The following KSR2 variants were observed in gnomAD, a reference collection of about 807,000 sequenced individuals.
The protein encoded by KSR2 is kinase suppressor of ras 2.
Under a neutral mutation model 107.8 loss-of-function variants are expected in KSR2, and 25 were observed. That is an observed-to-expected ratio of 0.23 (90% CI 0.17 to 0.32). The LOEUF is 0.32. Ranked by LOEUF, KSR2 falls within the 10% of genes least tolerant of loss-of-function variation. The probability of loss-of-function intolerance (pLI) is 1.00; values close to 1 mark genes in which losing one functional copy is unlikely to be tolerated. For synonymous variants in KSR2, 480 were observed against 507.0 expected (o/e 0.95, Z 0.71); for missense variants, 887 against 1,268.9 (o/e 0.70, Z 4.57).
chr12:117,594,860 G>A (rs1880540641), intron 5 of KSR2, among the ~76,000 whole-genome samples: 1 of 152,162 alleles, frequency 6.6e-6, no homozygotes, highest in African/African-American at 2.4e-5. Context: ...GGGAGGAGTG[G>A]TACTGGTATC....
chr12:117,466,329 C>G lies in KSR2; in HGVS notation c.*870G>C, dbSNP rs1476385366. On this transcript the variant is annotated 3_prime_UTR_variant, in exon 20 of 20. Transcript: ENST00000339824. ...TGCCCAGAGCCCTGATTCTCAGGGA[C>G]CAGACTTCAGGGGGTGCCCTGAATG... 1 of 152,112 alleles carries G rather than the reference C, an allele frequency of 6.6e-6. No homozygotes were observed. Among genetic ancestry groups the G allele is most frequent in the African/African-American group, 2.4e-5 (1 of 41,404 alleles). 9.4% of individuals were successfully genotyped at this position (152,112 alleles called of 1,614,324 possible).
At chr12:117,692,505 T>TATATAC (rs1565963762) in intron 4 of KSR2, among the ~76,000 whole-genome samples, 1 of 104,766 alleles carries the variant, frequency 9.5e-6, no homozygotes, top group Non-Finnish European at 2.0e-5. Flanking sequence ...TATATATATA[T>TATATAC]ACACACACAC....
At chr12:117,520,487 G>A (rs1056432795) in intron 14 of KSR2, among the ~76,000 whole-genome samples, 4 of 152,128 alleles carry the variant, frequency 2.6e-5, no homozygotes, top group Non-Finnish European at 5.9e-5. Context: ...CCCTAATATG[G>A]TGATCTTCAT....
chr12:117,512,732 C>CTT (rs1874110075), intron 14 of KSR2, among the ~76,000 whole-genome samples: 1 of 151,800 alleles, frequency 6.6e-6, no homozygotes, highest in Non-Finnish European at 1.5e-5. Flanking sequence ...TCTTAATAGA[C>CTT]TTAGAGGCAC....
At chr12:117,729,098 T>A (rs1185379068) in intron 4 of KSR2, among the ~76,000 whole-genome samples, 1 of 152,056 alleles carries the variant, frequency 6.6e-6, no homozygotes, top group African/African-American at 2.4e-5. Context: ...AAGGTGTTTT[T>A]CAAATGCCAT....
chr12:117,500,575 T>C (rs1846644), intron 14 of KSR2, among the ~76,000 whole-genome samples: 51,788 of 152,022 alleles, frequency 0.34, 9,572 homozygotes, highest in South Asian at 0.54. Flanking sequence ...CTAATTCTAT[T>C]TGATACTAGC....
chr12:117,602,022 G>A (rs12425491), intron 5 of KSR2, among the ~76,000 whole-genome samples: 2,285 of 152,210 alleles, frequency 0.015, 30 homozygotes, highest in Admixed American at 0.029. Flanking sequence ...AGCCATAGGC[G>A]GTATGCAAAT....
chr12:117,787,778 C>G (rs1244038256), intron 3 of KSR2, among the ~76,000 whole-genome samples: 2 of 152,154 alleles, frequency 1.3e-5, no homozygotes, highest in Non-Finnish European at 2.9e-5. Flanking sequence ...AGCAGACTAA[C>G]CAGAAAGACT....
At chr12:117,899,579 A>G (rs1403259550) in intron 1 of KSR2, among the ~76,000 whole-genome samples, 1 of 152,190 alleles carries the variant, frequency 6.6e-6, no homozygotes, top group East Asian at 1.9e-4. Context: ...CCAACAATGA[A>G]GTGTTTTCTT....
intron 1 of KSR2, among the ~76,000 whole-genome samples, chr12:117,903,551 G>C (rs1186876258): frequency 6.6e-6 from 1 of 152,182 alleles, no homozygotes; most frequent in Non-Finnish European, 1.5e-5. Flanking sequence ...TGGCAGTCCT[G>C]CCTGGGGGCA....
At chr12:117,967,970 A>T in intron 1 of KSR2, 106 bp downstream of exon 1, 1 of 1,069,634 alleles carries the variant, frequency 9.3e-7, no homozygotes, top group African/African-American at 1.6e-5. Flanking sequence ...CCAGCCCCCA[A>T]TAAACAGAAT....
chr12:117,790,229 C>T (rs1295292359), intron 3 of KSR2, among the ~76,000 whole-genome samples: 2 of 152,106 alleles, frequency 1.3e-5, no homozygotes, highest in African/African-American at 2.4e-5. Flanking sequence ...ATGACATGTG[C>T]CCAAGGTGGT....
In KSR2 at chr12:117,952,155, T is replaced by TCACACACACACA. The variant is rs112314585; in HGVS notation, c.180+15909_180+15920dup. 4.5e-3 allele frequency among the ~76,000 whole-genome samples: 670 copies of TCACACACACACA among 147,414 alleles called. 5 individuals carry two copies. Among genetic ancestry groups the TCACACACACACA allele is most frequent in the African/African-American group, 0.015 (610 of 40,076 alleles). ...TGAGAGTAGATCTTAAATGTTCTCA[T>TCACACACACACA]CACACACACACACACACACACACAC... On this transcript the variant is annotated intron_variant, in intron 1 of 19. Coordinates refer to ENST00000339824, the MANE Select transcript of KSR2 (RefSeq NM_173598.6).
At chr12:117,575,853 T>C (rs1879252008) in intron 7 of KSR2, among the ~76,000 whole-genome samples, 1 of 152,220 alleles carries the variant, frequency 6.6e-6, no homozygotes, top group Non-Finnish European at 1.5e-5. Flanking sequence ...ATTGACTCCT[T>C]CCAACAGCCC....
intron 1 of KSR2, among the ~76,000 whole-genome samples, chr12:117,905,604 C>T (rs960587096): frequency 1.3e-5 from 2 of 151,912 alleles, no homozygotes; most frequent in South Asian, 2.1e-4. Flanking sequence ...ATACAAGCTA[C>T]GAAAAAGGAT....
rs1210426510 is a variant in KSR2 at position 117,459,471 on chromosome 12, A to T, written c.*7728T>A. 6.6e-6 allele frequency: 1 copy of T among 152,198 alleles called. No individual in the cohort carries two copies. The highest frequency in any genetic ancestry group is 1.5e-5 in the Non-Finnish European group (1 of 68,052). The allele number at this position is 152,198 out of a possible 1,614,324, so 9.4% of individuals were successfully genotyped here. On this transcript the variant is annotated 3_prime_UTR_variant, in exon 20 of 20. Transcript: ENST00000339824. ...GAAGGCATGCTGTGATGGATTAGTG[A>T]TGTCTGCCAAGAGTACAGCAGGGGA...
At chr12:117,538,735 ATTTAAT>A (rs1255349094) in intron 10 of KSR2, among the ~76,000 whole-genome samples, 1 of 152,230 alleles carries the variant, frequency 6.6e-6, no homozygotes, top group East Asian at 1.9e-4. Flanking sequence ...TTTAAATTAT[ATTTAAT>A]TTTAATTTAT....
chr12:117,626,979 G>A (rs1036880074), intron 5 of KSR2, among the ~76,000 whole-genome samples: 2 of 150,602 alleles, frequency 1.3e-5, no homozygotes, highest in African/African-American at 4.9e-5. Context: ...TTTGATCTTT[G>A]TTGGTTTAAA....
chr12:117,911,787 TCGCAAAC>T (rs1328516804), intron 1 of KSR2, among the ~76,000 whole-genome samples: 6 of 77,020 alleles, frequency 7.8e-5, no homozygotes, highest in African/African-American at 3.5e-4. Context: ...TTCATGAGGA[TCGCAAAC>T]TCTCAATCGC....
Sources: gnomAD v4.1 joint callset for allele counts (sites outside exome capture counted in the v4.1 genomes callset) on GRCh38, gnomAD v4.1.1 for gene constraint, MANE v1.5 for transcripts, NCBI Gene and HGNC (gene_info 2026-07-23, HGNC 2026-07-21) for gene names.